MLLT3: variants seen among roughly 807,000 people sequenced by gnomAD.
The protein encoded by MLLT3 is MLLT3 super elongation complex subunit.
In MLLT3, 4 loss-of-function variants were observed where a neutral mutation model predicts 53.2. The observed-to-expected ratio is 0.08, with a 90% CI of 0.04 to 0.17. The LOEUF is 0.17. Ranked by LOEUF, MLLT3 falls within the 10% of genes least tolerant of loss-of-function variation. The pLI, the probability that MLLT3 is intolerant of heterozygous loss-of-function variation, is 1.00. For missense variants in MLLT3, 569 were observed against 684.0 expected (o/e 0.83, Z 1.87); for synonymous variants, 283 against 230.6 (o/e 1.23, Z -2.06).
intron 2 of MLLT3, among the ~76,000 whole-genome samples, chr9:20,460,865 A>T (rs1437870974): frequency 6.6e-6 from 1 of 152,236 alleles, no homozygotes; most frequent in East Asian, 1.9e-4. Context: ...CACAGGTGAT[A>T]GAAAAGTGTT....
chr9:20,489,242 C>A (rs1005567011), intron 2 of MLLT3, among the ~76,000 whole-genome samples: 3 of 152,114 alleles, frequency 2.0e-5, no homozygotes, highest in Non-Finnish European at 4.4e-5. Flanking sequence ...TCGTAAAATT[C>A]TTTCAATGAA....
intron 2 of MLLT3, among the ~76,000 whole-genome samples, chr9:20,595,088 G>A (rs1371318549): frequency 1.3e-5 from 2 of 152,046 alleles, no homozygotes; most frequent in African/African-American, 2.4e-5. Context: ...AGGGTGCCGT[G>A]GCTCACAACT....
chr9:20,417,378 T>A (rs927789430), intron 4 of MLLT3, among the ~76,000 whole-genome samples: 1 of 147,858 alleles, frequency 6.8e-6, no homozygotes, highest in Admixed American at 6.8e-5. Flanking sequence ...ATATATTATA[T>A]ATAAATATGT....
intron 2 of MLLT3, among the ~76,000 whole-genome samples, chr9:20,605,494 G>A (rs1198755029): frequency 6.6e-6 from 1 of 151,976 alleles, no homozygotes; most frequent in Non-Finnish European, 1.5e-5. Context: ...ATAACCACGG[G>A]TTCATACTAG....
chr9:20,499,281 C>G (rs1315105911), intron 2 of MLLT3, among the ~76,000 whole-genome samples: 1 of 152,128 alleles, frequency 6.6e-6, no homozygotes, highest in Non-Finnish European at 1.5e-5. Context: ...AGGTCACATT[C>G]AAAGGTACCT....
chr9:20,611,633 A>T (rs2131208817), intron 2 of MLLT3, among the ~76,000 whole-genome samples: 1 of 152,242 alleles, frequency 6.6e-6, no homozygotes, highest in Admixed American at 6.5e-5. Context: ...TATTTTAAAG[A>T]TAAGCCATAA....
chr9:20,524,972 C>A (rs1818162134), intron 2 of MLLT3, among the ~76,000 whole-genome samples: 1 of 151,972 alleles, frequency 6.6e-6, no homozygotes, highest in South Asian at 2.1e-4. Flanking sequence ...GCTACAACAT[C>A]CTCAGCATTC....
intron 2 of MLLT3, among the ~76,000 whole-genome samples, chr9:20,525,386 C>G (rs1563801144): frequency 1.3e-5 from 2 of 152,152 alleles, no homozygotes; most frequent in Non-Finnish European, 2.9e-5. Context: ...ATCCCAGCTA[C>G]TTGGTAGGCT....
Position 20,344,505 on chromosome 9 carries a change from A to G in MLLT3, c.*1938T>C. ...CATCAATCACCTAATGTCCAAAATGACTCAAAGTTTCTCTGCACATCAAGA... is the reference window on the plus strand; with the variant it reads ...CATCAATCACCTAATGTCCAAAATGGCTCAAAGTTTCTCTGCACATCAAGA... On this transcript the variant is annotated 3_prime_UTR_variant, in exon 11 of 11. Coordinates refer to ENST00000380338, the MANE Select transcript of MLLT3 (RefSeq NM_004529.4). 4.6e-6 allele frequency: 1 copy of G among 219,610 alleles called. No homozygotes were observed. The highest frequency in any genetic ancestry group is 9.2e-6 in the Non-Finnish European group (1 of 109,272). 13.6% of individuals were successfully genotyped at this position (219,610 alleles called of 1,614,324 possible).
At chr9:20,540,394 C>A (rs901911597) in intron 2 of MLLT3, among the ~76,000 whole-genome samples, 3 of 152,232 alleles carry the variant, frequency 2.0e-5, no homozygotes, top group African/African-American at 7.2e-5. Context: ...GCCTGGACAT[C>A]CAGGCATTTC....
chr9:20,378,323 T>A (rs1586903947), intron 5 of MLLT3, among the ~76,000 whole-genome samples: 1 of 152,192 alleles, frequency 6.6e-6, no homozygotes, highest in African/African-American at 2.4e-5. Flanking sequence ...ATCTTAATTA[T>A]ATCACATGAT....
intron 2 of MLLT3, among the ~76,000 whole-genome samples, chr9:20,574,445 A>G (rs1272164858): frequency 6.6e-6 from 1 of 152,254 alleles, no homozygotes; most frequent in Non-Finnish European, 1.5e-5. Context: ...TAAAGTGAAT[A>G]CCACAATAAA....
intron 2 of MLLT3, among the ~76,000 whole-genome samples, chr9:20,538,205 T>C (rs907817916): frequency 6.6e-6 from 1 of 152,326 alleles, no homozygotes; most frequent in South Asian, 2.1e-4. Context: ...TAATAAAATA[T>C]ACCACATTGA....
rs752002324 is a variant in MLLT3, at chr9:20,363,531, C to A, written c.1276G>T (p.Asp426Tyr). Residue 426 changes from aspartate to tyrosine, a missense_variant, in exon 7 of 11, where the codon GAC becomes TAC. Transcript: ENST00000380338. ...GGCCTCTCCATTTCAGAGTCATTGT[C>A]GTTATCCTCCACTTCATCTGATTCC... ...EEESDEVEDN[D>Y]NDSEMERPVN... is the part of the protein sequence containing the mutation. 1 of 1,614,044 alleles carries A rather than the reference C, an allele frequency of 6.2e-7. No homozygotes were observed. The highest frequency in any genetic ancestry group is 8.5e-7 in the Non-Finnish European group (1 of 1,179,964).
chr9:20,438,425 A>T (rs545820246), intron 4 of MLLT3, among the ~76,000 whole-genome samples: 36 of 152,082 alleles, frequency 2.4e-4, no homozygotes, highest in Non-Finnish European at 2.5e-4. Context: ...TTACTTATTT[A>T]TTTAGAGACA....
intron 5 of MLLT3, among the ~76,000 whole-genome samples, chr9:20,393,522 A>G (rs1463312028): frequency 6.6e-6 from 1 of 152,220 alleles, no homozygotes; most frequent in Non-Finnish European, 1.5e-5. Context: ...CTTGCTATAA[A>G]GATTTCCCTT....
intron 4 of MLLT3, among the ~76,000 whole-genome samples, chr9:20,444,667 G>A (rs568762983): frequency 7.2e-5 from 11 of 152,182 alleles, no homozygotes; most frequent in African/African-American, 2.4e-4. Flanking sequence ...CAGCTCAGGA[G>A]TTCAAGATCA....
chr9:20,486,252 T>C (rs1824808874), intron 2 of MLLT3, among the ~76,000 whole-genome samples: 1 of 152,110 alleles, frequency 6.6e-6, no homozygotes, highest in Admixed American at 6.5e-5. Context: ...ATGGCAGCAA[T>C]AACTGCTTTC....
intron 2 of MLLT3, among the ~76,000 whole-genome samples, chr9:20,556,264 G>C (rs1201371409): frequency 6.6e-6 from 1 of 151,982 alleles, no homozygotes; most frequent in East Asian, 1.9e-4. Flanking sequence ...ATTACTTCTG[G>C]ATTAAATAAT....
Sources: gnomAD v4.1 joint callset for allele counts (sites outside exome capture counted in the v4.1 genomes callset) on GRCh38, gnomAD v4.1.1 for gene constraint, MANE v1.5 for transcripts, NCBI Gene and HGNC (gene_info 2026-07-23, HGNC 2026-07-21) for gene names.